KCNN1: variants seen among roughly 807,000 people sequenced by gnomAD.
KCNN1 encodes the protein small conductance calcium-activated potassium channel protein 1.
KCNN1 carries 20 observed loss-of-function variants against 44.7 expected under a neutral mutation model. The ratio of observed to expected loss-of-function variants is 0.45; its 90% CI spans 0.32 to 0.65. The LOEUF (loss-of-function observed/expected upper bound fraction) is 0.65. KCNN1 is among the 30% of genes least tolerant of loss of function. The probability of loss-of-function intolerance (pLI) is 0.05; values close to 1 mark genes in which losing one functional copy is unlikely to be tolerated. For synonymous variants in KCNN1, 324 were observed against 341.7 expected (o/e 0.95, Z 0.57); for missense variants, 632 against 785.3 (o/e 0.80, Z 2.33).
intron 5 of KCNN1, 150 bp from the exon 6 acceptor site, chr19:17,988,265 G>A (rs1312769484): frequency 1.5e-5 from 9 of 601,532 alleles, no homozygotes; most frequent in Non-Finnish European, 2.4e-5. Context: ...AATAGGAAAC[G>A]AGTAGACCTG....
At chr19:17,979,678 G>C (rs982046571) in intron 3 of KCNN1, among the ~76,000 whole-genome samples, 1 of 152,032 alleles carries the variant, frequency 6.6e-6, no homozygotes, top group Non-Finnish European at 1.5e-5. Flanking sequence ...ATATGGCCAG[G>C]GTACCCCATG....
intron 5 of KCNN1, among the ~76,000 whole-genome samples, chr19:17,987,762 C>T (rs1287312576): frequency 2.7e-5 from 4 of 146,788 alleles, no homozygotes; most frequent in Admixed American, 1.4e-4. Flanking sequence ...TTTGGGAGGC[C>T]GAGGTGGGTG....
chr19:17,966,569 C>G (rs562746019), upstream of KCNN1, among the ~76,000 whole-genome samples: 2 of 152,230 alleles, frequency 1.3e-5, no homozygotes, highest in Admixed American at 6.5e-5. Context: ...ACGGGCGTCT[C>G]TCCTCCCACA....
In KCNN1 at chr19:17,993,437, C is replaced by T; in HGVS notation, c.1308-53C>T. 2 of 1,387,400 alleles carry T rather than the reference C, an allele frequency of 1.4e-6. No individual in the cohort carries two copies. The highest frequency in any genetic ancestry group is 2.3e-5 in the East Asian group (1 of 42,648). The allele number at this position is 1,387,400 out of a possible 1,614,324, so 85.9% of individuals were successfully genotyped here. On this transcript the variant is annotated intron_variant, in intron 8 of 9. Coordinates refer to ENST00000684775, the MANE Select transcript of KCNN1 (RefSeq NM_001386974.1). The surrounding 1 kb of genome is among the most constrained non-coding windows in gnomAD (Gnocchi z 4.5). ...TGCATGAAAGTCCCTGCCCCCACTG[C>T]AGCCTCCACGGGAACCTGCCTAACC...
rs538180600 is a variant in KCNN1, at chr19:17,960,716, T to G, written c.-82+6035T>G. 1.1e-4 allele frequency among the ~76,000 whole-genome samples: 17 copies of G among 152,222 alleles called. No homozygotes were observed. In the South Asian group the frequency reaches 3.5e-3, roughly 32 times the overall value. Reference sequence around the variant, plus strand: ...AGGCCAGAAGTCCAAAATCAAGGTGTTGGTGGTGTTGCCTTCCCTCCGGAG... The same window carrying G: ...AGGCCAGAAGTCCAAAATCAAGGTGGTGGTGGTGTTGCCTTCCCTCCGGAG... On this transcript the variant is annotated intron_variant, in intron 2 of 10. Coordinates refer to the KCNN1 transcript ENST00000222249.
At chr19:17,991,776 G>A (rs2032804991) in intron 7 of KCNN1, among the ~76,000 whole-genome samples, 1 of 152,156 alleles carries the variant, frequency 6.6e-6, no homozygotes, top group African/African-American at 2.4e-5. Flanking sequence ...TCTGTAAAGG[G>A]CCAGATGGTA....
chr19:17,966,700 A>G (rs1353788440), upstream of KCNN1, among the ~76,000 whole-genome samples: 1 of 152,178 alleles, frequency 6.6e-6, no homozygotes, highest in Non-Finnish European at 1.5e-5. Context: ...AGGCTCCCCT[A>G]TGCAGAGCTA....
Position 17,974,100 on chromosome 19 carries a change from A to G in KCNN1, c.212A>G (p.Asp71Gly). ...CCCCAGGACCAGGACGATGACGAGG[A>G]TGATGAGGAAGATGAGGCCGGCAGG... ...GQPQDQDDDE[D>G]DEEDEAGRQR... Residue 71 changes from aspartate to glycine, a missense_variant, in exon 2 of 10, where the codon GAT becomes GGT. This residue lies in a region of KCNN1 where 235 missense variants were observed against 224.0 expected (regional missense o/e 1.05). Transcript: ENST00000684775. This position sits in a 1 kb window ranked among gnomAD's most constrained non-coding sequence, Gnocchi z 7.3. The G allele has an allele frequency of 6.2e-7, 1 of 1,612,276 alleles. No individual in the cohort carries two copies. Among genetic ancestry groups the G allele is most frequent in the South Asian group, 1.1e-5 (1 of 91,082 alleles).
chr19:17,990,064 T>C, intron 7 of KCNN1: 1 of 698,464 alleles, frequency 1.4e-6, no homozygotes, highest in South Asian at 1.5e-5. Flanking sequence ...GCAGGATGTA[T>C]ATTTTATTCT....
intron 4 of KCNN1, among the ~76,000 whole-genome samples, chr19:17,982,781 T>C (rs984131764): frequency 6.6e-6 from 1 of 152,090 alleles, no homozygotes; most frequent in Non-Finnish European, 1.5e-5. Flanking sequence ...CTCAGGGCCC[T>C]TGTGTCCGAA....
At chr19:17,986,584 T>C (rs2032604998) in intron 5 of KCNN1, among the ~76,000 whole-genome samples, 1 of 152,200 alleles carries the variant, frequency 6.6e-6, no homozygotes, top group Non-Finnish European at 1.5e-5. Flanking sequence ...TCGGGGTCCC[T>C]GTCCATCCCC....
Position 17,998,289 on chromosome 19 carries a change from A to G in KCNN1, c.1515A>G (p.Gln505=). 6.4e-7 allele frequency: 1 copy of G among 1,551,104 alleles called. No individual in the cohort carries two copies. Among genetic ancestry groups the G allele is most frequent in the Non-Finnish European group, 8.7e-7 (1 of 1,152,964 alleles). The change falls in exon 10 of 10, where the codon CAA becomes CAG. Residue 505 remains glutamine, a synonymous_variant. Transcript: ENST00000684775. The surrounding 1 kb of genome is among the most constrained non-coding windows in gnomAD (Gnocchi z 5.4). The stretch of plus-strand genomic sequence containing the variant: ...AGGCCCTGCCTGGCCTCATCGCCCA[A>G]GCCATACGCCCACCCCCGCCTCCCC... ...SLQALPGLIA[Q]AIRPPPPPLP...
At position 17,974,594 on chromosome 19, in the gene KCNN1, G is replaced by T. The variant is rs771212049; in HGVS notation, c.402+304G>T. On this transcript the variant is annotated intron_variant, in intron 2 of 9. Coordinates refer to ENST00000684775, the MANE Select transcript of KCNN1 (RefSeq NM_001386974.1). The surrounding 1 kb of genome is among the most constrained non-coding windows in gnomAD (Gnocchi z 7.3). The stretch of plus-strand genomic sequence containing the variant: ...CCCCAGAGTGGGCCTGCTCTGGGGA[G>T]CAACAGAAGATCTTCCTCCCCTTCC... 6.6e-6 allele frequency among the ~76,000 whole-genome samples: 1 copy of T among 152,208 alleles called. No homozygotes were observed. Among genetic ancestry groups the T allele is most frequent in the African/African-American group, 2.4e-5 (1 of 41,462 alleles).
chr19:17,973,127 ATTTGTT>A (rs1338128735), intron 1 of KCNN1, among the ~76,000 whole-genome samples: 1 of 151,962 alleles, frequency 6.6e-6, no homozygotes, highest in Non-Finnish European at 1.5e-5. Flanking sequence ...TTGGTGTTTT[ATTTGTT>A]TTTGTTTTTG....
intron 3 of KCNN1, among the ~76,000 whole-genome samples, chr19:17,978,246 C>A (rs539534974): frequency 4.7e-4 from 71 of 150,454 alleles, no homozygotes; most frequent in African/African-American, 1.6e-3. Context: ...CCTGCCTCAG[C>A]CTCCTGAGTA....
rs375739979 is a variant in KCNN1, at chr19:17,960,540, G to A, written c.-82+5859G>A. ...AGCTACTCGGGAGGCTGAGGCAGGA[G>A]AATCGCTTGAACGTGGGAGGCGGAG... On this transcript the variant is annotated intron_variant, in intron 2 of 10. Transcript: ENST00000222249. Among the ~76,000 whole-genome samples, 107 of 152,222 alleles carry A rather than the reference G, an allele frequency of 7.0e-4. No homozygotes were observed. The Middle Eastern group carries it at 0.017, about 24-fold the overall frequency.
intron 4 of KCNN1, 65 bp from the exon 5 acceptor site, chr19:17,985,247 G>GT (rs2032557768): frequency 1.4e-6 from 2 of 1,451,782 alleles, no homozygotes; most frequent in Non-Finnish European, 9.2e-7. Context: ...GCCCCAGGGG[G>GT]TGTGATGGAG....
chr19:17,998,596 C>A lies in KCNN1; in HGVS notation c.*190C>A. The stretch of plus-strand genomic sequence containing the variant: ...TGGACCATGGGTGAGGGCAGGGGAG[C>A]CCGGAGCTTCCTCTGGTCACCTGGT... On this transcript the variant is annotated 3_prime_UTR_variant, in exon 10 of 10. Transcript: ENST00000684775. This position sits in a 1 kb window ranked among gnomAD's most constrained non-coding sequence, Gnocchi z 5.4. The A allele has an allele frequency of 5.6e-6, 3 of 539,448 alleles. No homozygotes were observed. The highest frequency in any genetic ancestry group is 9.1e-6 in the Non-Finnish European group (3 of 328,824). The allele number at this position is 539,448 out of a possible 1,614,324, so 33.4% of individuals were successfully genotyped here. A position where few individuals can be genotyped will look rare whatever the true frequency, so the allele number is the denominator to read the frequency against.
chr19:17,975,039 C>T (rs1174469282), intron 2 of KCNN1, 53 bp from the exon 3 acceptor site: 116 of 1,482,394 alleles, frequency 7.8e-5, no homozygotes, highest in Non-Finnish European at 1.1e-4. Context: ...ATGGGAGGGC[C>T]GCCGGCCCAC....
Sources: gnomAD v4.1 joint callset for allele counts (sites outside exome capture counted in the v4.1 genomes callset) on GRCh38, gnomAD v4.1.1 for gene constraint, gnomAD v4.1.1 regional missense constraint, Gnocchi (gnomAD v3.1) non-coding constraint, MANE v1.5 for transcripts, NCBI Gene and HGNC (gene_info 2026-07-23, HGNC 2026-07-21) for gene names.